Variants in KANSL3 observed in about 807,000 individuals in gnomAD.
The protein encoded by KANSL3 is KAT8 regulatory NSL complex subunit 3.
Under a neutral mutation model 89.2 loss-of-function variants are expected in KANSL3, and 16 were observed. The observed-to-expected ratio is 0.18, with a 90% CI of 0.12 to 0.27. The LOEUF (loss-of-function observed/expected upper bound fraction) is 0.27, where lower values mean the gene tolerates loss of function less well. Among genes scored for constraint, KANSL3 ranks in the 10% least tolerant of loss-of-function variants. The pLI is 1.00. For missense variants in KANSL3, 879 were observed against 1,110.6 expected (o/e 0.79, Z 2.96); for synonymous variants, 385 against 419.7 (o/e 0.92, Z 1.01).
downstream of KANSL3, among the ~76,000 whole-genome samples, chr2:96,590,442 G>A (rs991111548): frequency 6.6e-6 from 1 of 151,764 alleles, no homozygotes; most frequent in Non-Finnish European, 1.5e-5. Context: ...ACAGGTGCGC[G>A]GCATGACACC....
At chr2:96,598,068 T>G in intron 20 of KANSL3, 1 of 984,434 alleles carries the variant, frequency 1.0e-6, no homozygotes, top group Non-Finnish European at 1.2e-6. Context: ...CATGGCAAGC[T>G]GAGACGGATT....
chr2:96,614,228 G>A (rs1331858123), intron 5 of KANSL3, among the ~76,000 whole-genome samples: 2 of 152,244 alleles, frequency 1.3e-5, no homozygotes, highest in African/African-American at 4.8e-5. Flanking sequence ...AAGTAGCTGA[G>A]ATTACAGGCG....
At chr2:96,619,303 C>CCCA (rs1484529484) in intron 5 of KANSL3, 56 bp downstream of exon 5, 1 of 1,510,300 alleles carries the variant, frequency 6.6e-7, no homozygotes, top group Non-Finnish European at 9.0e-7. Flanking sequence ...ACATCCTGAA[C>CCCA]CCACAGGGGA....
chr2:96,634,511 CAA>C (rs775089756), intron 2 of KANSL3, among the ~76,000 whole-genome samples: 18 of 114,910 alleles, frequency 1.6e-4, no homozygotes, highest in Admixed American at 2.7e-4. Flanking sequence ...GACTCCGTCT[CAA>C]AAAAAAAAAA....
chr2:96,608,002 CA>C (rs917574633), intron 14 of KANSL3, among the ~76,000 whole-genome samples: 9 of 152,208 alleles, frequency 5.9e-5, no homozygotes, highest in African/African-American at 2.2e-4. Context: ...CGCAGCTCAC[CA>C]AACTCTTACT....
At chr2:96,583,018 CT>C in the KANSL3 span, among the ~76,000 whole-genome samples, 1 of 152,220 alleles carries the variant, frequency 6.6e-6, no homozygotes, top group Non-Finnish European at 1.5e-5. Context: ...CACTTTCCAG[CT>C]GCAATGGTCA....
the KANSL3 span, among the ~76,000 whole-genome samples, chr2:96,585,441 G>A: frequency 3.3e-5 from 5 of 152,262 alleles, no homozygotes; most frequent in South Asian, 2.1e-4. Flanking sequence ...TTATTCCTGC[G>A]AGAATGGCCA....
the KANSL3 span, among the ~76,000 whole-genome samples, chr2:96,586,153 A>T: frequency 6.7e-6 from 1 of 149,474 alleles, no homozygotes; most frequent in East Asian, 2.0e-4. Context: ...TGAACCCGGG[A>T]GGCGGAGCTT....
intron 2 of KANSL3, among the ~76,000 whole-genome samples, chr2:96,633,694 C>T (rs1179158761): frequency 6.6e-6 from 1 of 151,976 alleles, no homozygotes; most frequent in African/African-American, 2.4e-5. Flanking sequence ...GGTGAAACCT[C>T]GTCTCTACTA....
rs369831925 is a variant in KANSL3 at position 96,619,734 on chromosome 2, G to A, written c.415C>T (p.Leu139=). The change falls in exon 4 of 21, where the codon CTA becomes TTA. Residue 139 remains leucine, a synonymous_variant. Transcript: ENST00000431828. ...AGGGCTTTGAGGATCTTGTTGAATA[G>A]CTTGTTCTGGGCCATTGTCCAGCCA... ...RTGWTMAQNK[L]FNKILKALQS... 1.9e-6 allele frequency: 3 copies of A among 1,559,174 alleles called. No individual in the cohort carries two copies. The African/African-American group carries it at 4.1e-5, about 21-fold the overall frequency.
At chr2:96,584,842 C>T in the KANSL3 span, among the ~76,000 whole-genome samples, 13 of 152,164 alleles carry the variant, frequency 8.5e-5, no homozygotes, top group African/African-American at 2.2e-4. Context: ...AGTGCACCAA[C>T]GAGTCTTTGT....
intron 5 of KANSL3, among the ~76,000 whole-genome samples, chr2:96,617,008 A>C (rs1267494655): frequency 2.6e-5 from 4 of 152,192 alleles, no homozygotes; most frequent in Non-Finnish European, 5.9e-5. Flanking sequence ...CATCTCCTAC[A>C]GTGTATTCAC....
Position 96,604,046 on chromosome 2 carries a change from G to T in KANSL3, c.2149+204C>A. 3 of 493,262 alleles carry T rather than the reference G, an allele frequency of 6.1e-6. No individual in the cohort carries two copies. The Admixed American group carries it at 1.1e-4, about 18-fold the overall frequency. The allele number at this position is 493,262 out of a possible 1,614,324, so 30.6% of individuals were successfully genotyped here. On this transcript the variant is annotated intron_variant, in intron 17 of 20. Coordinates refer to ENST00000431828, the MANE Select transcript of KANSL3 (RefSeq NM_001115016.3). ...GAACATTTACTCACTTGCAGACCAG[G>T]ACATTTACTCACTGCATTTATTCAA...
intron 14 of KANSL3, among the ~76,000 whole-genome samples, chr2:96,607,340 T>C (rs551796936): frequency 6.6e-6 from 1 of 152,256 alleles, no homozygotes; most frequent in South Asian, 2.1e-4. Flanking sequence ...GTATTCCCCG[T>C]TTGCCCATCA....
Position 96,610,678 on chromosome 2 carries a change from C to CT in KANSL3, c.1319+47dup, listed in dbSNP as rs1003009069. 3.7e-6 allele frequency: 6 copies of CT among 1,604,068 alleles called. No homozygotes were observed. In the African/African-American group the frequency reaches 8.0e-5, roughly 21 times the overall value. ...ACATTGCCAGCTTCCAGGCTTATCT[C>CT]TAACACTGTAACACAGCTCTCTTGC... On this transcript the variant is annotated intron_variant, in intron 11 of 20. Transcript: ENST00000431828.
chr2:96,600,724 T>G, intron 20 of KANSL3: 1 of 985,388 alleles, frequency 1.0e-6, no homozygotes, highest in Non-Finnish European at 1.2e-6. Context: ...ATTTTAAGAT[T>G]AGAAATATTT....
intron 17 of KANSL3, 105 bp from the exon 18 acceptor site, chr2:96,602,967 C>G (rs1214012718): frequency 9.5e-7 from 1 of 1,048,152 alleles, no homozygotes; most frequent in Non-Finnish European, 1.4e-6. Context: ...ACCAGTGGTG[C>G]TTGCCCTTGG....
chr2:96,589,582 G>A (rs2066260119), downstream of KANSL3, among the ~76,000 whole-genome samples: 1 of 152,162 alleles, frequency 6.6e-6, no homozygotes, highest in Non-Finnish European at 1.5e-5. Context: ...AGGAGACATA[G>A]ACAATTCCAC....
chr2:96,617,460 C>G (rs1265930922), intron 5 of KANSL3, among the ~76,000 whole-genome samples: 1 of 151,576 alleles, frequency 6.6e-6, no homozygotes, highest in Non-Finnish European at 1.5e-5. Flanking sequence ...AACAATGAGT[C>G]TGCAAGTTTT....
Sources: gnomAD v4.1 joint callset for allele counts (sites outside exome capture counted in the v4.1 genomes callset) on GRCh38, gnomAD v4.1.1 for gene constraint, MANE v1.5 for transcripts, NCBI Gene and HGNC (gene_info 2026-07-23, HGNC 2026-07-21) for gene names.